Variants in CFAP20DC observed in about 807,000 individuals in gnomAD.
CFAP20DC encodes CFAP20 domain containing, also known as protein CFAP20DC.
A neutral mutation model predicts 101.7 loss-of-function variants in CFAP20DC; 84 were observed. The ratio of observed to expected loss-of-function variants is 0.83; its 90% CI spans 0.69 to 0.99. The LOEUF is 0.99. Among genes scored for constraint, CFAP20DC ranks in the 50% least tolerant of loss-of-function variants. The probability of loss-of-function intolerance (pLI) is 0.00; values close to 1 mark genes in which losing one functional copy is unlikely to be tolerated. For synonymous variants in CFAP20DC, 359 were observed against 351.2 expected (o/e 1.02, Z -0.25); for missense variants, 1,007 against 970.3 (o/e 1.04, Z -0.50).
At chr3:58,742,988 T>C (rs1192616701) in intron 16 of CFAP20DC, among the ~76,000 whole-genome samples, 1 of 152,082 alleles carries the variant, frequency 6.6e-6, no homozygotes, top group African/African-American at 2.4e-5. Context: ...ACTAATAAAA[T>C]AGAAAACTTG....
intron 14 of CFAP20DC, among the ~76,000 whole-genome samples, chr3:58,816,415 C>T (rs1308259126): frequency 1.3e-5 from 2 of 152,142 alleles, no homozygotes; most frequent in African/African-American, 2.4e-5. Flanking sequence ...AGACAGTGGG[C>T]ACAGGCCAGT....
downstream of CFAP20DC, among the ~76,000 whole-genome samples, chr3:58,737,871 G>A (rs967848476): frequency 6.6e-6 from 1 of 152,154 alleles, no homozygotes; most frequent in African/African-American, 2.4e-5. This position sits in a 1 kb window ranked among gnomAD's most constrained non-coding sequence, Gnocchi z 4.1. Context: ...CCTCTGTTCC[G>A]GGTTTGTGAT....
chr3:58,979,208 G>C (rs1576570620), intron 4 of CFAP20DC, among the ~76,000 whole-genome samples: 1 of 152,206 alleles, frequency 6.6e-6, no homozygotes, highest in Non-Finnish European at 1.5e-5. Context: ...AGGCTTTGCA[G>C]TCAGACTGCA....
At chr3:58,860,322 A>C (rs1031110164) in intron 12 of CFAP20DC, among the ~76,000 whole-genome samples, 1 of 152,132 alleles carries the variant, frequency 6.6e-6, no homozygotes, top group African/African-American at 2.4e-5. Flanking sequence ...GCTAAAAAAA[A>C]CTCTTGAAAG....
intron 4 of CFAP20DC, among the ~76,000 whole-genome samples, chr3:58,988,663 A>C (rs750485400): frequency 3.5e-4 from 53 of 152,188 alleles, no homozygotes; most frequent in Non-Finnish European, 6.0e-4. Flanking sequence ...ATACTTCGTT[A>C]AAGCAGCCCA....
At chr3:58,939,872 T>G (rs1033484940) in intron 4 of CFAP20DC, among the ~76,000 whole-genome samples, 1 of 150,958 alleles carries the variant, frequency 6.6e-6, no homozygotes, top group Non-Finnish European at 1.5e-5. Context: ...GTTCAAGCGA[T>G]TCTCCTGCCT....
rs1022101593 is a variant in CFAP20DC at position 59,023,155 on chromosome 3, T to G, written c.278+16402A>C. 2.3e-3 allele frequency among the ~76,000 whole-genome samples: 233 copies of G among 99,370 alleles called. 2 individuals are homozygous for G. The highest frequency in any genetic ancestry group is 5.5e-3 in the African/African-American group (139 of 25,390). The allele number at this position is 99,370 out of a possible 152,430, so 65.2% of individuals were successfully genotyped here. ...TCCTGTTCACCTGCTTTCTACTCTC[T>G]TGTTTTTTTTTTTTGTTTGTTTTCC... On this transcript the variant is annotated intron_variant, in intron 4 of 16. Transcript: ENST00000482387.
intron 5 of CFAP20DC, among the ~76,000 whole-genome samples, chr3:58,934,275 A>T (rs1239331437): frequency 1.3e-5 from 2 of 152,240 alleles, no homozygotes; most frequent in African/African-American, 4.8e-5. Flanking sequence ...TTGTGGCAAT[A>T]ATCAATAGCT....
intron 6 of CFAP20DC, among the ~76,000 whole-genome samples, chr3:58,896,792 T>C (rs1275250604): frequency 6.6e-6 from 1 of 152,166 alleles, no homozygotes; most frequent in East Asian, 1.9e-4. Context: ...TTAGGAGTGT[T>C]TTACTTCTGA....
intron 4 of CFAP20DC, among the ~76,000 whole-genome samples, chr3:58,998,126 C>T (rs561794166): frequency 8.5e-5 from 13 of 152,238 alleles, no homozygotes; most frequent in South Asian, 2.1e-4. Flanking sequence ...CAGCTGTCTA[C>T]GGGCAAGTCC....
At chr3:59,018,981 G>A (rs564350372) in intron 4 of CFAP20DC, 1 of 152,168 alleles carries the variant, frequency 6.6e-6, no homozygotes, top group East Asian at 1.9e-4. Context: ...AAAGGCAAAT[G>A]TGGCAAAATG....
chr3:58,931,176 A>G (rs149302961), intron 5 of CFAP20DC, among the ~76,000 whole-genome samples: 1 of 152,092 alleles, frequency 6.6e-6, no homozygotes, highest in South Asian at 2.1e-4. Context: ...ATGCTAGCAC[A>G]GCAGTCTGAG....
At position 58,903,389 on chromosome 3, in the gene CFAP20DC, G is replaced by A. The variant is rs1222534387; in HGVS notation, c.550+10319C>T. 3.3e-5 allele frequency among the ~76,000 whole-genome samples: 5 copies of A among 152,144 alleles called. No individual in the cohort carries two copies. In the South Asian group the frequency reaches 8.3e-4, roughly 25 times the overall value. On this transcript the variant is annotated intron_variant, in intron 6 of 16. Transcript: ENST00000482387. ...TGGATATACAGAATCATCTGTTGAA[G>A]AGACTATTCTCCTTCTATTAAATGG...
chr3:59,027,418 C>T (rs1344026599), intron 4 of CFAP20DC, among the ~76,000 whole-genome samples: 1 of 152,122 alleles, frequency 6.6e-6, no homozygotes, highest in African/African-American at 2.4e-5. Flanking sequence ...GAATCCTAAC[C>T]TCTCCAAACA....
rs1303121764 is a variant in CFAP20DC at position 58,912,740 on chromosome 3, T to TACC, written c.550+965_550+967dup. 1 of 456,298 alleles carries TACC rather than the reference T, an allele frequency of 2.2e-6. No individual in the cohort carries two copies. Among genetic ancestry groups the TACC allele is most frequent in the African/African-American group, 2.0e-5 (1 of 50,042 alleles). 28.3% of individuals were successfully genotyped at this position (456,298 alleles called of 1,614,324 possible). The stretch of plus-strand genomic sequence containing the variant: ...CCTTATGAATTCCAGGGAGCTGAGT[T>TACC]ACCTGCAGAGTATATTTATAAATCA... On this transcript the variant is annotated intron_variant, in intron 6 of 16. Coordinates refer to ENST00000482387, the MANE Select transcript of CFAP20DC (RefSeq NM_001394063.1). This position sits in a 1 kb window ranked among gnomAD's most constrained non-coding sequence, Gnocchi z 4.4.
At chr3:58,952,724 A>T (rs2090259012) in intron 4 of CFAP20DC, among the ~76,000 whole-genome samples, 1 of 152,042 alleles carries the variant, frequency 6.6e-6, no homozygotes, top group Non-Finnish European at 1.5e-5. Context: ...GTTATATATA[A>T]ACTCTTCTAC....
chr3:58,916,005 A>T (rs542182880), intron 5 of CFAP20DC, among the ~76,000 whole-genome samples: 73 of 152,024 alleles, frequency 4.8e-4, no homozygotes, highest in African/African-American at 1.6e-3. Flanking sequence ...TTTTCCCTCA[A>T]CATCCATATT....
intron 7 of CFAP20DC, among the ~76,000 whole-genome samples, chr3:58,879,666 T>C (rs1323914965): frequency 6.6e-6 from 1 of 151,962 alleles, no homozygotes; most frequent in East Asian, 1.9e-4. Context: ...ATCAAGTAAA[T>C]AAGAAAATAT....
At chr3:58,890,158 C>T (rs1171471851) in intron 6 of CFAP20DC, among the ~76,000 whole-genome samples, 187 of 149,770 alleles carry the variant, frequency 1.2e-3, no homozygotes, top group Middle Eastern at 0.01. Context: ...ACCTCCCGGA[C>T]GGGGCGGCTG....
Sources: gnomAD v4.1 joint callset for allele counts (sites outside exome capture counted in the v4.1 genomes callset) on GRCh38, gnomAD v4.1.1 for gene constraint, Gnocchi (gnomAD v3.1) non-coding constraint, MANE v1.5 for transcripts, NCBI Gene and HGNC (gene_info 2026-07-23, HGNC 2026-07-21) for gene names.